BAG1: variants seen among roughly 807,000 people sequenced by gnomAD.
BAG1 encodes BAG family molecular chaperone regulator 1.
Under a neutral mutation model 35.5 loss-of-function variants are expected in BAG1, and 35 were observed. The ratio of observed to expected loss-of-function variants is 0.99; its 90% CI spans 0.75 to 1.31. The LOEUF (loss-of-function observed/expected upper bound fraction) is 1.31. Ranked by LOEUF, BAG1 falls within the 50% of genes most tolerant of loss-of-function variation. BAG1 has a pLI of 0.00. For synonymous variants in BAG1, 191 were observed against 178.9 expected (o/e 1.07, Z -0.54); for missense variants, 464 against 453.6 (o/e 1.02, Z -0.21).
Position 33,258,968 on chromosome 9 carries a change from T to G in BAG1, c.729A>C (p.Ile243=). Residue 243 remains isoleucine (I), a synonymous_variant, in exon 4 of 7, where the codon ATA becomes ATC. Coordinates refer to ENST00000634734, the MANE Select transcript of BAG1 (RefSeq NM_004323.6). Reference sequence around the variant, plus strand: ...TATTCAACTCTTCCAGCTGGTCAGCTATCTTCTCCACAGACTTCTCCAAAT... The same window carrying G: ...TATTCAACTCTTCCAGCTGGTCAGCGATCTTCTCCACAGACTTCTCCAAAT... The G allele has an allele frequency of 6.2e-7, 1 of 1,614,252 alleles. No individual in the cohort carries two copies. Among genetic ancestry groups the G allele is most frequent in the Non-Finnish European group, 8.5e-7 (1 of 1,180,042 alleles).
Position 33,255,294 on chromosome 9 carries a change from C to T in BAG1, c.963G>A (p.Glu321=). The T allele has an allele frequency of 1.2e-6, 2 of 1,614,244 alleles. No homozygotes were observed. Among genetic ancestry groups the T allele is most frequent in the South Asian group, 1.1e-5 (1 of 91,090 alleles). Residue 321 remains glutamate (E), a synonymous_variant, in exon 7 of 7, where the codon GAG becomes GAA. Coordinates refer to ENST00000634734, the MANE Select transcript of BAG1 (RefSeq NM_004323.6). The stretch of plus-strand genomic sequence containing the variant: ...AGATGTTCTGCTCCACTGTGTCACA[C>T]TCGGCTAGGAATGCCTAGAAAATAC...
At position 33,264,305 on chromosome 9, in the gene BAG1, G is replaced by A. The variant is rs751237919; in HGVS notation, c.370C>T (p.Arg124Trp). The change falls in exon 1 of 7, where the codon CGG becomes TGG. Residue 124 changes from arginine to tryptophan, a missense_variant. Coordinates refer to ENST00000634734, the MANE Select transcript of BAG1 (RefSeq NM_004323.6). ...TCGCTCCGGGTCGACTCCTCGTCCC[G>A]GGTCACCTCCTGGCTCCGATTCATC... 6 of 1,613,350 alleles carry A rather than the reference G, an allele frequency of 3.7e-6. No individual in the cohort carries two copies. The highest frequency in any genetic ancestry group is 5.1e-6 in the Non-Finnish European group (6 of 1,179,862).
In BAG1 at chr9:33,261,072, G is replaced by A. The variant is rs371553280; in HGVS notation, c.663+15C>T. 7.3e-5 allele frequency: 116 copies of A among 1,592,908 alleles called. No individual in the cohort carries two copies. Among genetic ancestry groups the A allele is most frequent in the Non-Finnish European group, 9.6e-5 (112 of 1,167,750 alleles). On this transcript the variant is annotated intron_variant, in intron 3 of 6. Transcript: ENST00000634734. ...CATTTGATTCTGAGGATTTCTGATG[G>A]AAAAAGCAATTTACCTTTTTCCCAA...
chr9:33,257,157 T>C, intron 4 of BAG1: 1 of 455,730 alleles, frequency 2.2e-6, no homozygotes, highest in Non-Finnish European at 3.9e-6. Context: ...TCCTGAGGCT[T>C]GGCTCCAGTG....
At chr9:33,261,951 C>G in intron 2 of BAG1, 1 of 985,428 alleles carries the variant, frequency 1.0e-6, no homozygotes, top group Non-Finnish European at 1.2e-6. Context: ...ACTGGAAACA[C>G]AGCAGTATCT....
intron 2 of BAG1, 24 bp downstream of exon 2, chr9:33,262,678 A>G (rs774003307): frequency 1.3e-6 from 2 of 1,566,056 alleles, no homozygotes; most frequent in Non-Finnish European, 1.7e-6. Context: ...AAAGAAAAAG[A>G]AAGAAAGAAA....
chr9:33,262,631 T>G, intron 2 of BAG1, 71 bp downstream of exon 2: 1 of 1,430,198 alleles, frequency 7.0e-7, no homozygotes, highest in Non-Finnish European at 9.3e-7. Flanking sequence ...CACTCCAGCC[T>G]GGGCGACAAG....
In BAG1 at chr9:33,256,864, A is replaced by G; in HGVS notation, c.822T>C (p.Leu274=). The change falls in exon 5 of 7, where the codon CTT becomes CTC. Residue 274 remains leucine (L), a synonymous_variant. Coordinates refer to ENST00000634734, the MANE Select transcript of BAG1 (RefSeq NM_004323.6). Reference sequence around the variant, plus strand: ...CTATTGTGGCTTTTACTCTCCTATCAAGTTTGCAGAGAGCTTCAGCTTGCA... The same window carrying G: ...CTATTGTGGCTTTTACTCTCCTATCGAGTTTGCAGAGAGCTTCAGCTTGCA... 2 of 1,614,228 alleles carry G rather than the reference A, an allele frequency of 1.2e-6. No individual in the cohort carries two copies. The highest frequency in any genetic ancestry group is 1.7e-5 in the Admixed American group (1 of 60,030).
chr9:33,256,185 C>T (rs767826702), intron 5 of BAG1, among the ~76,000 whole-genome samples: 4 of 152,166 alleles, frequency 2.6e-5, no homozygotes, highest in Non-Finnish European at 2.9e-5. Flanking sequence ...TGATCTTTAA[C>T]ACAGACTTTG....
At chr9:33,257,377 T>C (rs1820477625) in intron 4 of BAG1, 1 of 153,294 alleles carries the variant, frequency 6.5e-6, no homozygotes, top group African/African-American at 2.4e-5. Context: ...TATATGTACA[T>C]GTGTCACTAA....
chr9:33,260,836 A>C (rs2117961503), intron 3 of BAG1, among the ~76,000 whole-genome samples: 1 of 152,344 alleles, frequency 6.6e-6, no homozygotes, highest in African/African-American at 2.4e-5. Flanking sequence ...CACCACCAAA[A>C]CAAAAAACAT....
intron 2 of BAG1, 66 bp downstream of exon 2, chr9:33,262,636 G>A (rs906079600): frequency 1.5e-5 from 22 of 1,448,224 alleles, no homozygotes; most frequent in South Asian, 4.1e-5. Context: ...CAGCCTGGGC[G>A]ACAAGAGTGA....
At chr9:33,258,201 CAGG>C (rs10591224) in intron 4 of BAG1, 92,319 of 148,780 alleles carry the variant, frequency 0.62, 32,235 homozygotes, top group Non-Finnish European at 0.76. Context: ...GAGGCTGAGG[CAGG>C]AGAATCACTT....
chr9:33,262,708 A>G lies in BAG1; in HGVS notation c.574T>C (p.Phe192Leu). ...AAGAAAAAGAAATGCTTACCCTTAA[A>G]TATGAGTTTCTGAAAAGACTGTGGA... is the stretch of plus-strand genomic sequence containing the variant. Residue 192 changes from phenylalanine (F) to leucine (L), a missense_variant, in exon 2 of 7, where the codon TTT becomes CTT. Transcript: ENST00000634734. 1 of 1,592,258 alleles carries G rather than the reference A, an allele frequency of 6.3e-7. No homozygotes were observed.
At chr9:33,263,499 T>G (rs1195938972) in intron 1 of BAG1, among the ~76,000 whole-genome samples, 1 of 152,192 alleles carries the variant, frequency 6.6e-6, no homozygotes, top group Non-Finnish European at 1.5e-5. Flanking sequence ...TACAGTACAT[T>G]ACACCAAGGT....
At position 33,254,752 on chromosome 9, in the gene BAG1, G is replaced by T. The variant is rs1820415305; in HGVS notation, c.*467C>A. The T allele has an allele frequency of 2.8e-5, 9 of 321,318 alleles. No individual in the cohort carries two copies. The highest frequency in any genetic ancestry group is 2.4e-4 in the South Asian group (9 of 38,250). The allele number at this position is 321,318 out of a possible 1,614,324, so 19.9% of individuals were successfully genotyped here. Reference sequence around the variant, plus strand: ...GGTCTACTTATGTGCCAAACACCTTGTTCTAGGCCATTCCCAATATTCCTG... The same window carrying T: ...GGTCTACTTATGTGCCAAACACCTTTTTCTAGGCCATTCCCAATATTCCTG... On this transcript the variant is annotated 3_prime_UTR_variant, in exon 7 of 7. Transcript: ENST00000634734.
chr9:33,258,644 C>G (rs905023848), intron 4 of BAG1, among the ~76,000 whole-genome samples: 3 of 152,214 alleles, frequency 2.0e-5, no homozygotes, highest in Non-Finnish European at 2.9e-5. Context: ...TTGACAATAA[C>G]TATGACAATA....
chr9:33,264,687 T>C lies in BAG1; in HGVS notation c.-13A>G. 1.5e-6 allele frequency: 2 copies of C among 1,358,114 alleles called. No homozygotes were observed. The highest frequency in any genetic ancestry group is 2.9e-5 in the East Asian group (1 of 33,968). The allele number at this position is 1,358,114 out of a possible 1,614,324, so 84.1% of individuals were successfully genotyped here. A position where few individuals can be genotyped will look rare whatever the true frequency, so the allele number is the denominator to read the frequency against. ...CGCGCTGAGCCAGGCCCGCACTTGT[T>C]GACCGCCCAGCGATGGAAGCTGAGC... On this transcript the variant is annotated 5_prime_UTR_variant, in exon 1 of 7. Coordinates refer to ENST00000634734, the MANE Select transcript of BAG1 (RefSeq NM_004323.6).
In BAG1 at chr9:33,264,475, G is replaced by A; in HGVS notation, c.200C>T (p.Ala67Val). 6.2e-7 allele frequency: 1 copy of A among 1,611,984 alleles called. No individual in the cohort carries two copies. The highest frequency in any genetic ancestry group is 2.2e-5 in the East Asian group (1 of 44,844). The change falls in exon 1 of 7, where the codon GCT (alanine) becomes GTT (valine). Residue 67 changes from alanine to valine, a missense_variant. By Grantham distance (64) the Ala-to-Val change is moderately conservative. Coordinates refer to ENST00000634734, the MANE Select transcript of BAG1 (RefSeq NM_004323.6). The stretch of plus-strand genomic sequence containing the variant: ...TTTCTTCTTCATCCGCGGCCTGCGA[G>A]CGCCGGCGGCGGCGCCCCTGGTGGG...
Sources: gnomAD v4.1 joint callset for allele counts (sites outside exome capture counted in the v4.1 genomes callset) on GRCh38, gnomAD v4.1.1 for gene constraint, MANE v1.5 for transcripts, NCBI Gene and HGNC (gene_info 2026-07-23, HGNC 2026-07-21) for gene names.